SEMA4F: variants seen among roughly 807,000 people sequenced by gnomAD.
SEMA4F encodes the protein ssemaphorin 4F, also known as semaphorin-4F.
SEMA4F carries 51 observed loss-of-function variants against 78.4 expected under a neutral mutation model. That is an observed-to-expected ratio of 0.65 (90% CI 0.52 to 0.82). The LOEUF (loss-of-function observed/expected upper bound fraction) is 0.82, where lower values mean the gene tolerates loss of function less well. Ranked by LOEUF, SEMA4F falls within the 40% of genes least tolerant of loss-of-function variation. The probability of loss-of-function intolerance (pLI) is 0.00; values close to 1 mark genes in which losing one functional copy is unlikely to be tolerated. For missense variants in SEMA4F, 938 were observed against 1,014.4 expected, an observed-to-expected ratio of 0.92 and a Z score of 1.02; for synonymous variants, 418 against 408.7, an observed-to-expected ratio of 1.02 and a Z score of -0.27.
chr2:74,689,777 A>T, the SEMA4F span, among the ~76,000 whole-genome samples: 1 of 152,320 alleles, frequency 6.6e-6, no homozygotes, highest in Non-Finnish European at 1.5e-5. Context: ...TATTGAACAT[A>T]AAGGATTTCA....
At chr2:74,668,813 A>T (rs1443437233) in intron 5 of SEMA4F, among the ~76,000 whole-genome samples, 2 of 151,486 alleles carry the variant, frequency 1.3e-5, no homozygotes, top group Non-Finnish European at 2.9e-5. Flanking sequence ...TATTTTTAGC[A>T]GAGACGGGGT....
At position 74,673,903 on chromosome 2, in the gene SEMA4F, G is replaced by A. The variant is rs910132361; in HGVS notation, c.822+75G>A. The A allele has an allele frequency of 5.3e-6, 8 of 1,507,072 alleles. No individual in the cohort carries two copies. In the African/African-American group the frequency reaches 9.7e-5, roughly 18 times the overall value. 93.4% of individuals were successfully genotyped at this position (1,507,072 alleles called of 1,614,324 possible). A position where few individuals can be genotyped will look rare whatever the true frequency, so the allele number is the denominator to read the frequency against. ...CCCCGTCTTATCTTTTCCTCTTTGG[G>A]TCTCTGTCTTTGAATCTCTCCTGTG... On this transcript the variant is annotated intron_variant, in intron 7 of 13. Coordinates refer to ENST00000357877, the MANE Select transcript of SEMA4F (RefSeq NM_004263.5).
chr2:74,677,340 G>A (rs1258942698), intron 12 of SEMA4F, among the ~76,000 whole-genome samples: 4 of 152,042 alleles, frequency 2.6e-5, no homozygotes, highest in Admixed American at 6.5e-5. Context: ...TCATCAGTAC[G>A]TTTACTCATT....
At chr2:74,655,713 A>T (rs1684098655) in intron 1 of SEMA4F, among the ~76,000 whole-genome samples, 1 of 152,070 alleles carries the variant, frequency 6.6e-6, no homozygotes, top group Non-Finnish European at 1.5e-5. Flanking sequence ...AGAGTTGAGG[A>T]TGTGAGGGGA....
chr2:74,654,795 G>A (rs1005461576), intron 1 of SEMA4F, among the ~76,000 whole-genome samples: 1 of 152,172 alleles, frequency 6.6e-6, no homozygotes, highest in Non-Finnish European at 1.5e-5. Context: ...CCCTATTCCC[G>A]GAGCCGCAGG....
chr2:74,698,889 G>A, the SEMA4F span, among the ~76,000 whole-genome samples: 1 of 152,198 alleles, frequency 6.6e-6, no homozygotes, highest in African/African-American at 2.4e-5. Flanking sequence ...AGTAGTACCA[G>A]GTTTCATGGT....
At chr2:74,705,895 G>C in the SEMA4F span, among the ~76,000 whole-genome samples, 1 of 152,098 alleles carries the variant, frequency 6.6e-6, no homozygotes, top group Non-Finnish European at 1.5e-5. Context: ...AGTTTCAAAA[G>C]ATATGTATCA....
chr2:74,661,726 A>G (rs574026720), intron 4 of SEMA4F, among the ~76,000 whole-genome samples: 3 of 152,232 alleles, frequency 2.0e-5, no homozygotes, highest in African/African-American at 4.8e-5. Context: ...CTTGTTTGCC[A>G]TCTAGAACAA....
In SEMA4F at chr2:74,673,672, C is replaced by T. The variant is rs1238041004; in HGVS notation, c.671-5C>T. On this transcript the variant is annotated splice_polypyrimidine_tract_variant and splice_region_variant and intron_variant, in intron 6 of 13. Coordinates refer to ENST00000357877, the MANE Select transcript of SEMA4F (RefSeq NM_004263.5). ...GTGAGGATCTGAGGCCACTGGTATTCCCAGCCCCAGCCTTTGTCGCAGCCG... is the reference window on the plus strand; with the variant it reads ...GTGAGGATCTGAGGCCACTGGTATTTCCAGCCCCAGCCTTTGTCGCAGCCG... 6 of 1,613,268 alleles carry T rather than the reference C, an allele frequency of 3.7e-6. No homozygotes were observed. Among genetic ancestry groups the T allele is most frequent in the Non-Finnish European group, 5.1e-6 (6 of 1,179,578 alleles).
intron 9 of SEMA4F, 54 bp downstream of exon 9, chr2:74,675,089 A>C: frequency 6.2e-7 from 1 of 1,613,612 alleles, no homozygotes; most frequent in Non-Finnish European, 8.5e-7. Flanking sequence ...CTATTAAGGC[A>C]AGAGCCCCAC....
At chr2:74,696,575 A>G in the SEMA4F span, among the ~76,000 whole-genome samples, 1 of 152,120 alleles carries the variant, frequency 6.6e-6, no homozygotes, top group African/African-American at 2.4e-5. Flanking sequence ...AAATGTGGGA[A>G]GGGGGTGAGG....
At chr2:74,669,926 C>CA (rs1448693376) in intron 5 of SEMA4F, among the ~76,000 whole-genome samples, 1 of 151,876 alleles carries the variant, frequency 6.6e-6, no homozygotes, top group Non-Finnish European at 1.5e-5. Context: ...ATGCTAACTA[C>CA]AAAAAACAAG....
At chr2:74,704,693 G>T in the SEMA4F span, among the ~76,000 whole-genome samples, 1 of 151,932 alleles carries the variant, frequency 6.6e-6, no homozygotes, top group African/African-American at 2.4e-5. Flanking sequence ...CTACCAATGC[G>T]GGCTGGATTC....
chr2:74,674,467 A>C, intron 7 of SEMA4F, 31 bp from the exon 8 acceptor site: 3 of 1,582,870 alleles, frequency 1.9e-6, no homozygotes, highest in Non-Finnish European at 2.6e-6. Flanking sequence ...TGATCATCTA[A>C]AGAGAACCTC....
chr2:74,660,194 A>G (rs1684357819), intron 4 of SEMA4F, among the ~76,000 whole-genome samples: 1 of 152,250 alleles, frequency 6.6e-6, no homozygotes, highest in African/African-American at 2.4e-5. Flanking sequence ...CAAGTAATGA[A>G]ACTGAAGTTC....
In SEMA4F at chr2:74,656,539, G is replaced by A. The variant is rs777979651; in HGVS notation, c.151G>A (p.Asp51Asn). 3.1e-6 allele frequency: 5 copies of A among 1,613,528 alleles called. No homozygotes were observed. The South Asian group carries it at 5.5e-5, about 18-fold the overall frequency. ...PRTSLPISEA[D>N]SCLTRFAVPH... ...CTCTCCTCTCTTCCTGCCAGAGGCTGACTCCTGTCTCACCCGGTTCGCAGT... is the reference window on the plus strand; with the variant it reads ...CTCTCCTCTCTTCCTGCCAGAGGCTAACTCCTGTCTCACCCGGTTCGCAGT... The change falls in exon 2 of 14, where the codon GAC becomes AAC. Residue 51 changes from aspartate (D) to asparagine (N), a missense_variant. Asp to Asn is a conservative substitution (Grantham distance 23). Transcript: ENST00000357877.
intron 2 of SEMA4F, among the ~76,000 whole-genome samples, chr2:74,656,998 A>G (rs1268568546): frequency 6.6e-6 from 1 of 152,190 alleles, no homozygotes; most frequent in East Asian, 1.9e-4. Context: ...ACAGCTTTCA[A>G]ACTTTTTTTT....
the SEMA4F span, among the ~76,000 whole-genome samples, chr2:74,702,729 T>C: frequency 6.6e-6 from 1 of 151,886 alleles, no homozygotes; most frequent in African/African-American, 2.4e-5. Flanking sequence ...GGGGAGGGGG[T>C]GTTGATTAAA....
intron 2 of SEMA4F, among the ~76,000 whole-genome samples, chr2:74,657,129 G>A (rs1418777466): frequency 6.6e-6 from 1 of 152,170 alleles, no homozygotes; most frequent in African/African-American, 2.4e-5. Context: ...GCTCATTGGA[G>A]CATTTTGGAT....
Sources: allele counts gnomAD v4.1 joint callset (sites outside exome capture counted in the v4.1 genomes callset), GRCh38; gene constraint gnomAD v4.1.1; transcripts MANE v1.5; gene names NCBI Gene and HGNC (gene_info 2026-07-23, HGNC 2026-07-21).